The following CACNA1G variants were observed in gnomAD, a reference collection of about 807,000 sequenced individuals.
The protein encoded by CACNA1G is voltage-dependent T-type calcium channel subunit alpha-1G.
In CACNA1G, 67 loss-of-function variants were observed where a neutral mutation model predicts 219.4. The observed-to-expected ratio is 0.31, with a 90% CI of 0.25 to 0.37. The LOEUF (loss-of-function observed/expected upper bound fraction) is 0.37. CACNA1G is among the 10% of genes least tolerant of loss of function. CACNA1G has a pLI of 1.00. For missense variants in CACNA1G, 2,380 were observed against 3,231.4 expected (o/e 0.74, Z 6.39); for synonymous variants, 1,296 against 1,345.3 (o/e 0.96, Z 0.80).
intron 9 of CACNA1G, among the ~76,000 whole-genome samples, chr17:50,585,651 G>C (rs140537336): frequency 6.6e-6 from 1 of 152,080 alleles, no homozygotes; most frequent in Non-Finnish European, 1.5e-5. Context: ...GGGCACAGGA[G>C]GGGGGATCCA....
At chr17:50,614,417 A>T (rs2049971874) in intron 26 of CACNA1G, among the ~76,000 whole-genome samples, 1 of 152,084 alleles carries the variant, frequency 6.6e-6, no homozygotes, top group Admixed American at 6.5e-5. Flanking sequence ...GTGGGAGACC[A>T]ATCTGTCAAC....
At chr17:50,609,817 C>A in intron 25 of CACNA1G, 65 bp from the exon 26 acceptor site, 2 of 1,491,126 alleles carry the variant, frequency 1.3e-6, no homozygotes, top group Non-Finnish European at 1.8e-6. Context: ...GGAAGCCGCC[C>A]CTGAGGGGCC....
chr17:50,619,837 C>T lies in CACNA1G; in HGVS notation c.5925+11C>T, dbSNP rs746681878. On this transcript the variant is annotated intron_variant, in intron 34 of 37. Coordinates refer to ENST00000359106, the MANE Select transcript of CACNA1G (RefSeq NM_018896.5). ...GGCTCCGACCCACAGGTTACTGTGCCCCTGTGCTGTGCCCTCTCCCCTGAC... is the reference window on the plus strand; with the variant it reads ...GGCTCCGACCCACAGGTTACTGTGCTCCTGTGCTGTGCCCTCTCCCCTGAC... 6.9e-6 allele frequency: 11 copies of T among 1,598,314 alleles called. No individual in the cohort carries two copies. In the East Asian group the frequency reaches 2.0e-4, roughly 29 times the overall value.
intron 33 of CACNA1G, among the ~76,000 whole-genome samples, chr17:50,619,298 T>G (rs2051215101): frequency 6.6e-6 from 1 of 152,090 alleles, no homozygotes; most frequent in Non-Finnish European, 1.5e-5. Flanking sequence ...AGTTTTCTGT[T>G]TCCTTCCTGT....
intron 37 of CACNA1G, among the ~76,000 whole-genome samples, chr17:50,625,231 C>T (rs1490571302): frequency 6.6e-6 from 1 of 152,208 alleles, no homozygotes; most frequent in Admixed American, 6.5e-5. Context: ...GGATTACAGG[C>T]GTGAGCCACC....
chr17:50,597,562 G>A (rs921763024), intron 16 of CACNA1G, among the ~76,000 whole-genome samples: 2 of 152,098 alleles, frequency 1.3e-5, no homozygotes, highest in Non-Finnish European at 2.9e-5. Context: ...TTTGATATAT[G>A]CATACATTAT....
intron 4 of CACNA1G, 117 bp downstream of exon 4, chr17:50,569,920 A>T: frequency 1.3e-6 from 1 of 748,304 alleles, no homozygotes; most frequent in Non-Finnish European, 2.2e-6. Flanking sequence ...CCCGTCAGAG[A>T]AGGGCTCAGT....
At chr17:50,597,070 G>T (rs2045719419) in intron 16 of CACNA1G, 147 bp downstream of exon 16, 1 of 807,550 alleles carries the variant, frequency 1.2e-6, no homozygotes, top group Non-Finnish European at 1.9e-6. Context: ...AGCCCCTGGG[G>T]AATCTGCGCC....
At chr17:50,595,814 G>A (rs978826215) in intron 14 of CACNA1G, among the ~76,000 whole-genome samples, 1 of 152,242 alleles carries the variant, frequency 6.6e-6, no homozygotes, top group Non-Finnish European at 1.5e-5. Context: ...CCTCGTTAGG[G>A]CTGTAAACTG....
Position 50,627,348 on chromosome 17 carries a change from GAAAA to G in CACNA1G, c.*604_*607del. The G allele has an allele frequency of 6.1e-6, 2 of 329,046 alleles. No homozygotes were observed. The highest frequency in any genetic ancestry group is 2.3e-5 in the South Asian group (1 of 43,650). The allele number at this position is 329,046 out of a possible 1,614,324, so 20.4% of individuals were successfully genotyped here. On this transcript the variant is annotated 3_prime_UTR_variant, in exon 38 of 38. Transcript: ENST00000359106. The stretch of plus-strand genomic sequence containing the variant: ...TAACCTCGTCATCATTTTCTGTAGG[GAAAA>G]AAAAAAGAAAAAGAAAAAATGAGAT...
chr17:50,565,332 C>T (rs198538), intron 1 of CACNA1G, among the ~76,000 whole-genome samples: 41,204 of 146,294 alleles, frequency 0.28, 6,808 homozygotes, highest in African/African-American at 0.47. Context: ...CCTACACCCA[C>T]GCACTGAAGC....
chr17:50,578,436 G>A lies in CACNA1G; in HGVS notation c.2173G>A (p.Val725Met). ...GGGCCCAGATGCAGAGCCCAGCTCT[G>A]TGCTGGCCTTCTGGAGGCTAATCTG... ...SLGPDAEPSSVLAFWRLICDT... is the reference protein window; with the variant it reads ...SLGPDAEPSSMLAFWRLICDT... The change falls in exon 9 of 38, where the codon GTG becomes ATG. Residue 725 changes from valine (V) to methionine (M), a missense_variant. Val to Met is a conservative substitution (Grantham distance 21, BLOSUM62 1). Around this residue, in one of 17 missense-constraint regions of CACNA1G, gnomAD observed 434 missense variants for 417.3 expected, o/e 1.04. Transcript: ENST00000359106. This position sits in a 1 kb window ranked among gnomAD's most constrained non-coding sequence, Gnocchi z 4.5. 4 of 1,607,044 alleles carry A rather than the reference G, an allele frequency of 2.5e-6. No homozygotes were observed. The highest frequency in any genetic ancestry group is 3.4e-6 in the Non-Finnish European group (4 of 1,176,008).
intron 25 of CACNA1G, among the ~76,000 whole-genome samples, chr17:50,608,719 C>T (rs552915715): frequency 5.8e-4 from 88 of 152,298 alleles, no homozygotes; most frequent in Non-Finnish European, 1.1e-3. Context: ...TCCGTCCGTC[C>T]TCATGCCCTT....
chr17:50,567,464 G>T (rs1427759757), intron 1 of CACNA1G, among the ~76,000 whole-genome samples: 4 of 152,040 alleles, frequency 2.6e-5, no homozygotes, highest in African/African-American at 9.7e-5. Context: ...ATGGGCTATG[G>T]CTGGGACCAG....
In CACNA1G at chr17:50,617,667, T is replaced by C; in HGVS notation, c.5155+96T>C. 6.6e-7 allele frequency: 1 copy of C among 1,504,220 alleles called. No individual in the cohort carries two copies. The highest frequency in any genetic ancestry group is 9.0e-7 in the Non-Finnish European group (1 of 1,110,580). The allele number at this position is 1,504,220 out of a possible 1,614,324, so 93.2% of individuals were successfully genotyped here. On this transcript the variant is annotated intron_variant, in intron 29 of 37. Coordinates refer to ENST00000359106, the MANE Select transcript of CACNA1G (RefSeq NM_018896.5). The surrounding 1 kb of genome is among the most constrained non-coding windows in gnomAD (Gnocchi z 5.8). ...TGTGGCTGGTCAAGGCCTGGGCGGC[T>C]GTGGGTTCCCATGGGTCTTTCTCCC...
intron 25 of CACNA1G, among the ~76,000 whole-genome samples, chr17:50,609,403 C>A (rs1015091203): frequency 1.3e-5 from 2 of 152,172 alleles, no homozygotes; most frequent in African/African-American, 4.8e-5. Flanking sequence ...GGTCCGGGTT[C>A]GGCTTCCCTG....
chr17:50,618,664 C>T lies in CACNA1G; in HGVS notation c.5437C>T (p.Arg1813Trp), dbSNP rs2051082772. 1.9e-6 allele frequency: 3 copies of T among 1,612,612 alleles called. No individual in the cohort carries two copies. The highest frequency in any genetic ancestry group is 1.3e-5 in the African/African-American group (1 of 74,902). ...NWNGIMKDTL[R>W]DCDQESTCYN... ...ATTCCACCCTCCCCAGGACACCCTC[C>T]GGGACTGTGACCAGGAGTCCACCTG... Residue 1813 changes from arginine (R) to tryptophan (W), a missense_variant, in exon 33 of 38, where the codon CGG becomes TGG. Physicochemically the swap from Arg to Trp is moderately radical, Grantham distance 101 (BLOSUM62 -3). This residue lies in a region of CACNA1G where 33 missense variants were observed against 70.2 expected (regional missense o/e 0.47). Transcript: ENST00000359106. The surrounding 1 kb of genome is among the most constrained non-coding windows in gnomAD (Gnocchi z 5.3).
At chr17:50,582,110 T>C (rs1476672493) in intron 9 of CACNA1G, among the ~76,000 whole-genome samples, 1 of 152,324 alleles carries the variant, frequency 6.6e-6, no homozygotes, top group African/African-American at 2.4e-5. Context: ...TCCTTCTTTT[T>C]AAAGAGGTCA....
At chr17:50,598,769 A>T (rs2046044499) in intron 16 of CACNA1G, among the ~76,000 whole-genome samples, 1 of 151,664 alleles carries the variant, frequency 6.6e-6, no homozygotes, top group South Asian at 2.1e-4. Context: ...ATGGAGTTTC[A>T]CTCTGTCACC....
Sources: allele counts gnomAD v4.1 joint callset (sites outside exome capture counted in the v4.1 genomes callset), GRCh38; gene constraint gnomAD v4.1.1; regional missense constraint gnomAD v4.1.1; non-coding constraint Gnocchi (gnomAD v3.1); transcripts MANE v1.5; gene names NCBI Gene and HGNC (gene_info 2026-07-23, HGNC 2026-07-21).